DLG2: variants seen among roughly 807,000 people sequenced by gnomAD.
DLG2 encodes the protein discs large MAGUK scaffold protein 2.
In DLG2, 45 loss-of-function variants were observed where a neutral mutation model predicts 132.5. The observed-to-expected ratio is 0.34, with a 90% CI of 0.27 to 0.44. The LOEUF is 0.44. Ranked by LOEUF, DLG2 falls within the 20% of genes least tolerant of loss-of-function variation. DLG2 has a pLI of 1.00. For synonymous variants in DLG2, 424 were observed against 419.6 expected, an observed-to-expected ratio of 1.01 and a Z score of -0.13; for missense variants, 1,045 against 1,196.9, an observed-to-expected ratio of 0.87 and a Z score of 1.87.
intron 6 of DLG2, among the ~76,000 whole-genome samples, chr11:84,732,793 C>T (rs978227417): frequency 6.6e-6 from 1 of 150,648 alleles, no homozygotes; most frequent in Non-Finnish European, 1.5e-5. Flanking sequence ...TCCCTCCCCC[C>T]ACCCACCCCA....
intron 3 of DLG2, among the ~76,000 whole-genome samples, chr11:85,483,477 G>A (rs949571867): frequency 2.6e-5 from 4 of 152,184 alleles, no homozygotes; most frequent in Non-Finnish European, 5.9e-5. Context: ...AGATGCTAGA[G>A]GGAGTATTCA....
intron 4 of DLG2, among the ~76,000 whole-genome samples, chr11:85,155,812 G>T (rs191063124): frequency 1.9e-4 from 28 of 151,218 alleles, no homozygotes; most frequent in Admixed American, 9.9e-4. Flanking sequence ...GCAGGTTGCA[G>T]TGAGCCACTG....
Position 85,050,627 on chromosome 11 carries a change from T to C in DLG2, c.357+61034A>G, listed in dbSNP as rs139754457. On this transcript the variant is annotated intron_variant, in intron 6 of 27. Coordinates refer to ENST00000376104, the MANE Select transcript of DLG2 (RefSeq NM_001142699.3). ...GGACGAGTACATGTTAGAGATGTCT[T>C]TTCTGAGCCCTCCTCTCAGAGAAGG... 9.2e-4 allele frequency among the ~76,000 whole-genome samples: 140 copies of C among 152,262 alleles called. 2 individuals are homozygous for C. Among genetic ancestry groups the C allele is most frequent in the African/African-American group, 3.2e-3 (132 of 41,572 alleles).
intron 6 of DLG2, among the ~76,000 whole-genome samples, chr11:84,770,623 G>A (rs1161111253): frequency 6.6e-6 from 1 of 150,776 alleles, no homozygotes; most frequent in Non-Finnish European, 1.5e-5. Context: ...CCACGTTGCT[G>A]TAAAGGATAT....
At chr11:84,331,568 C>G (rs116936462) in intron 7 of DLG2, among the ~76,000 whole-genome samples, 1 of 92,674 alleles carries the variant, frequency 1.1e-5, no homozygotes, top group Non-Finnish European at 2.1e-5. Context: ...GGAGGTGGGT[C>G]GGCAGGGGAG....
intron 18 of DLG2, among the ~76,000 whole-genome samples, chr11:83,761,701 T>G (rs1341869880): frequency 6.6e-6 from 1 of 152,188 alleles, no homozygotes; most frequent in Non-Finnish European, 1.5e-5. Context: ...AATCCCCCTG[T>G]GCTTCCCCCT....
intron 3 of DLG2, among the ~76,000 whole-genome samples, chr11:85,560,076 T>C (rs1307288492): frequency 1.3e-5 from 2 of 151,834 alleles, no homozygotes; most frequent in Non-Finnish European, 1.5e-5. Flanking sequence ...ATTAGAAAGA[T>C]AGACAATACC....
intron 8 of DLG2, among the ~76,000 whole-genome samples, chr11:84,194,022 A>G (rs1170003720): frequency 6.6e-6 from 1 of 152,244 alleles, no homozygotes; most frequent in Non-Finnish European, 1.5e-5. Flanking sequence ...TCAAAGATGG[A>G]AGAACCAGAG....
intron 7 of DLG2, among the ~76,000 whole-genome samples, chr11:84,516,314 A>T (rs1228447101): frequency 6.6e-6 from 1 of 151,582 alleles, no homozygotes; most frequent in Non-Finnish European, 1.5e-5. Flanking sequence ...AATATATAAA[A>T]TTGACAAACT....
At chr11:84,013,484 G>C (rs1398857149) in intron 11 of DLG2, among the ~76,000 whole-genome samples, 1 of 152,116 alleles carries the variant, frequency 6.6e-6, no homozygotes, top group Non-Finnish European at 1.5e-5. Context: ...ATAGATATCA[G>C]AGTGATTGCA....
chr11:84,658,108 C>G (rs1347079379), intron 6 of DLG2, among the ~76,000 whole-genome samples: 1 of 152,140 alleles, frequency 6.6e-6, no homozygotes. Flanking sequence ...ACTGCTGCTT[C>G]TTTCTCCCTT....
chr11:83,593,397 A>C (rs2097222139), intron 19 of DLG2, among the ~76,000 whole-genome samples: 1 of 151,808 alleles, frequency 6.6e-6, no homozygotes. Context: ...CGCAAGAACA[A>C]AAAACCAAAC....
chr11:85,272,130 G>A (rs565396193), intron 4 of DLG2, among the ~76,000 whole-genome samples: 1 of 152,116 alleles, frequency 6.6e-6, no homozygotes, highest in Non-Finnish European at 1.5e-5. Flanking sequence ...TCTTTCCCAT[G>A]CTATTCTCAT....
At position 84,531,387 on chromosome 11, in the gene DLG2, C is replaced by T. The variant is rs79700163; in HGVS notation, c.519+3183G>A. Reference sequence around the variant, plus strand: ...TACCTATTTGATACTATGCTTATTACCTAGTGATGAAATAATCTGCACACC... The same window carrying T: ...TACCTATTTGATACTATGCTTATTATCTAGTGATGAAATAATCTGCACACC... On this transcript the variant is annotated intron_variant, in intron 7 of 27. Transcript: ENST00000376104. 5.5e-3 allele frequency among the ~76,000 whole-genome samples: 833 copies of T among 152,240 alleles called. 7 individuals are homozygous for T. Among genetic ancestry groups the T allele is most frequent in the Middle Eastern group, 0.031 (9 of 294 alleles).
intron 6 of DLG2, among the ~76,000 whole-genome samples, chr11:84,790,265 G>A (rs886183088): frequency 6.6e-6 from 1 of 151,938 alleles, no homozygotes; most frequent in African/African-American, 2.4e-5. Flanking sequence ...CCTGCCTTTT[G>A]GATAAAAGCC....
chr11:85,544,865 G>A (rs1012165203), intron 3 of DLG2, among the ~76,000 whole-genome samples: 4 of 152,136 alleles, frequency 2.6e-5, no homozygotes, highest in African/African-American at 4.8e-5. Flanking sequence ...GCTGAAGTTG[G>A]TTATCAGCTT....
intron 6 of DLG2, among the ~76,000 whole-genome samples, chr11:85,050,822 T>A (rs2062816380): frequency 6.6e-6 from 1 of 152,190 alleles, no homozygotes; most frequent in African/African-American, 2.4e-5. Flanking sequence ...GTATAAAACC[T>A]ACTCATGCTT....
intron 3 of DLG2, among the ~76,000 whole-genome samples, chr11:85,345,073 T>A (rs965081883): frequency 9.2e-5 from 14 of 152,116 alleles, no homozygotes; most frequent in African/African-American, 3.1e-4. Context: ...TCTCCCATTA[T>A]GTCAAGAGTA....
intron 9 of DLG2, among the ~76,000 whole-genome samples, chr11:84,147,664 C>A (rs1426580955): frequency 6.6e-6 from 1 of 152,012 alleles, no homozygotes; most frequent in Non-Finnish European, 1.5e-5. Context: ...ACTTAACATA[C>A]TTAAATATAT....
Sources: gnomAD v4.1 joint callset for allele counts (sites outside exome capture counted in the v4.1 genomes callset) on GRCh38, gnomAD v4.1.1 for gene constraint, MANE v1.5 for transcripts, NCBI Gene and HGNC (gene_info 2026-07-23, HGNC 2026-07-21) for gene names.